Variants in DECR1 observed in about 807,000 individuals in gnomAD.
DECR1 encodes the protein 2,4-dienoyl-CoA reductase [(3E)-enoyl-CoA-producing], mitochondrial.
A neutral mutation model predicts 38.8 loss-of-function variants in DECR1; 44 were observed. The observed-to-expected ratio is 1.13, with a 90% confidence interval of 0.89 to 1.46. DECR1 has a LOEUF of 1.46. Ranked by LOEUF, DECR1 falls within the 40% of genes most tolerant of loss-of-function variation. The probability of loss-of-function intolerance (pLI) is 0.00; values close to 1 mark genes in which losing one functional copy is unlikely to be tolerated. For missense variants in DECR1, 428 were observed against 405.5 expected (o/e 1.06, Z -0.48); for synonymous variants, 148 against 135.2 (o/e 1.09, Z -0.66).
chr8:90,016,890 T>G (rs1813022059), intron 1 of DECR1: 3 of 433,404 alleles, frequency 6.9e-6, no homozygotes, highest in Non-Finnish European at 1.3e-5. Context: ...AATAACCTGC[T>G]GAAAGTTACA....
In DECR1 at chr8:90,051,695, G is replaced by A. The variant is rs1437952242; in HGVS notation, c.904G>A (p.Gly302Arg). Residue 302 changes from glycine to arginine, a missense_variant, in exon 9 of 10, where the codon GGA becomes AGA. By Grantham distance (125) the Gly-to-Arg change is moderately radical (BLOSUM62 -2). Coordinates refer to ENST00000220764, the MANE Select transcript of DECR1 (RefSeq NM_001359.2). ...TTTCCAGGTCATTAAATTTGACGGT[G>A]GAGAGGAAGTACTTATTTCAGGGGA... ...INGAVIKFDG[G>R]EEVLISGEFN... 1 of 1,612,106 alleles carries A rather than the reference G, an allele frequency of 6.2e-7. No homozygotes were observed. Among genetic ancestry groups the A allele is most frequent in the East Asian group, 2.2e-5 (1 of 44,830 alleles).
At chr8:90,005,814 C>T (rs1179602166) in intron 1 of DECR1, 10 of 290,576 alleles carry the variant, frequency 3.4e-5, no homozygotes, top group African/African-American at 1.1e-4. Flanking sequence ...CATCTGGTGA[C>T]GGCCTAAGGC....
At chr8:90,018,233 G>A (rs987201252) in intron 2 of DECR1, among the ~76,000 whole-genome samples, 19 of 152,300 alleles carry the variant, frequency 1.2e-4, no homozygotes, top group Admixed American at 3.9e-4. Context: ...CAAAATATCT[G>A]TTATTGTGAT....
At chr8:90,018,492 T>A (rs1813064542) in intron 2 of DECR1, 1 of 148,208 alleles carries the variant, frequency 6.7e-6, no homozygotes, top group East Asian at 2.0e-4. Context: ...TTTAAGAGTT[T>A]AAATATATTA....
chr8:90,045,081 C>A (rs2130162139), intron 8 of DECR1, 86 bp downstream of exon 8: 1 of 1,218,772 alleles, frequency 8.2e-7, no homozygotes, highest in Non-Finnish European at 1.2e-6. Context: ...CCTGACAATG[C>A]TGAATGTAAA....
intron 8 of DECR1, among the ~76,000 whole-genome samples, chr8:90,048,792 A>G (rs1368005898): frequency 1.3e-5 from 2 of 152,234 alleles, no homozygotes; most frequent in Non-Finnish European, 2.9e-5. Flanking sequence ...AAACTTCAGT[A>G]AAATACTGGC....
intron 1 of DECR1, among the ~76,000 whole-genome samples, chr8:90,016,046 C>G (rs10504887): frequency 0.11 from 15,986 of 152,068 alleles, 2,633 homozygotes; most frequent in African/African-American, 0.35. Flanking sequence ...TGATTAAATG[C>G]GAGAGAATGG....
chr8:90,031,394 T>A (rs2130107700), intron 5 of DECR1, among the ~76,000 whole-genome samples: 1 of 152,276 alleles, frequency 6.6e-6, no homozygotes, highest in African/African-American at 2.4e-5. Context: ...AAACTTAGGT[T>A]TTGACTCATA....
At chr8:90,010,426 T>G (rs1045441907) in intron 1 of DECR1, among the ~76,000 whole-genome samples, 1 of 152,246 alleles carries the variant, frequency 6.6e-6, no homozygotes, top group Non-Finnish European at 1.5e-5. Flanking sequence ...TACACTGTGC[T>G]GAAGTGGCAG....
intron 1 of DECR1, among the ~76,000 whole-genome samples, chr8:90,011,860 A>G (rs540312352): frequency 6.6e-6 from 1 of 152,260 alleles, no homozygotes; most frequent in Non-Finnish European, 1.5e-5. Context: ...TCTAACATTT[A>G]AAAAAATGTT....
intron 8 of DECR1, among the ~76,000 whole-genome samples, chr8:90,046,961 ATACTT>A (rs1813923123): frequency 6.6e-6 from 1 of 152,196 alleles, no homozygotes; most frequent in African/African-American, 2.4e-5. Flanking sequence ...GAGAAATAAA[ATACTT>A]TACAGACAAG....
intron 1 of DECR1, among the ~76,000 whole-genome samples, chr8:90,016,435 G>C (rs1037502433): frequency 6.6e-6 from 1 of 152,098 alleles, no homozygotes; most frequent in Non-Finnish European, 1.5e-5. Flanking sequence ...AGGAGATCGA[G>C]ACCATCCTAG....
At chr8:90,046,874 A>G (rs1193835160) in intron 8 of DECR1, among the ~76,000 whole-genome samples, 1 of 152,242 alleles carries the variant, frequency 6.6e-6, no homozygotes, top group Non-Finnish European at 1.5e-5. Flanking sequence ...AGTGGGGGCC[A>G]ATATTCAACA....
intron 8 of DECR1, among the ~76,000 whole-genome samples, chr8:90,048,791 T>C (rs1389145630): frequency 2.0e-5 from 3 of 152,210 alleles, no homozygotes; most frequent in African/African-American, 7.2e-5. Context: ...AAAACTTCAG[T>C]AAAATACTGG....
At chr8:90,012,278 G>A (rs1397632645) in intron 1 of DECR1, among the ~76,000 whole-genome samples, 2 of 151,430 alleles carry the variant, frequency 1.3e-5, no homozygotes, top group African/African-American at 2.4e-5. Context: ...TCAGCCTCTC[G>A]AATAGCTGGG....
chr8:90,031,134 T>C (rs1273114155), intron 5 of DECR1, among the ~76,000 whole-genome samples: 1 of 152,152 alleles, frequency 6.6e-6, no homozygotes, highest in East Asian at 1.9e-4. Context: ...TGGTTAATAC[T>C]TATTAGTCCT....
chr8:90,017,369 A>G, intron 2 of DECR1, 43 bp downstream of exon 2: 1 of 1,531,438 alleles, frequency 6.5e-7, no homozygotes, highest in Admixed American at 1.8e-5. Flanking sequence ...CTTTTGAAGA[A>G]ACTGTTCTGT....
chr8:90,045,882 G>T (rs1298312597), intron 8 of DECR1, among the ~76,000 whole-genome samples: 1 of 152,142 alleles, frequency 6.6e-6, no homozygotes, highest in East Asian at 1.9e-4. Flanking sequence ...TACAATATTT[G>T]CTGTTCTGCA....
chr8:90,023,789 A>T (rs1813228066), intron 5 of DECR1, among the ~76,000 whole-genome samples: 1 of 152,070 alleles, frequency 6.6e-6, no homozygotes, highest in Non-Finnish European at 1.5e-5. Context: ...ACATATGTAT[A>T]CATGTGCCAT....
Sources: gnomAD v4.1 joint callset for allele counts (sites outside exome capture counted in the v4.1 genomes callset) on GRCh38, gnomAD v4.1.1 for gene constraint, MANE v1.5 for transcripts, NCBI Gene and HGNC (gene_info 2026-07-23, HGNC 2026-07-21) for gene names.